KCNH2: variants seen among roughly 807,000 people sequenced by gnomAD.
KCNH2 encodes potassium voltage-gated channel subfamily H member 2, also known as voltage-gated inwardly rectifying potassium channel KCNH2.
Under a neutral mutation model 95.9 loss-of-function variants are expected in KCNH2, and 35 were observed. The ratio of observed to expected loss-of-function variants is 0.37; its 90% CI spans 0.28 to 0.48. The LOEUF is 0.48. KCNH2 is among the 20% of genes least tolerant of loss of function. KCNH2 has a pLI of 0.99. For missense variants in KCNH2, 1,274 were observed against 1,702.9 expected, an observed-to-expected ratio of 0.75 and a Z score of 4.43; for synonymous variants, 786 against 754.7, an observed-to-expected ratio of 1.04 and a Z score of -0.68.
intron 3 of KCNH2, 112 bp from the exon 4 acceptor site, chr7:150,958,614 AC>A (rs1390610216): frequency 9.1e-6 from 7 of 765,456 alleles, no homozygotes; most frequent in Middle Eastern, 3.9e-4. Context: ...GGAACGGGCA[AC>A]CCCCCATCCC....
At chr7:150,955,064 G>A (rs1801321199) in intron 5 of KCNH2, among the ~76,000 whole-genome samples, 1 of 152,214 alleles carries the variant, frequency 6.6e-6, no homozygotes, top group Non-Finnish European at 1.5e-5. Context: ...TCCTGCCCAT[G>A]GGCTCCTTTG....
In KCNH2 at chr7:150,958,165, C is replaced by T. The variant is rs1801443154; in HGVS notation, c.810G>A (p.Thr270=). 6.0e-6 allele frequency: 8 copies of T among 1,341,630 alleles called. No individual in the cohort carries two copies. Among genetic ancestry groups the T allele is most frequent in the Admixed American group, 3.5e-5 (1 of 28,842 alleles). 83.1% of individuals were successfully genotyped at this position (1,341,630 alleles called of 1,614,324 possible). ...CGCTGGCGCAGCTTTCTCGGGAGCG[C>T]GTCCGGGCCAGGCTGCAGCTGGAGC... The part of the protein sequence containing the change: ...ASGSSCSLAR[T]RSRESCASVR... The change falls in exon 4 of 15, where the codon ACG becomes ACA. Residue 270 remains threonine (T), a synonymous_variant. Transcript: ENST00000262186.
rs1800962566 is a variant in KCNH2, at chr7:150,947,701, G to A, written c.2870C>T (p.Pro957Leu). 1 of 1,590,036 alleles carries A rather than the reference G, an allele frequency of 6.3e-7. No individual in the cohort carries two copies. Among genetic ancestry groups the A allele is most frequent in the Non-Finnish European group, 8.6e-7 (1 of 1,169,566 alleles). ...TCCGGGGGGCCTGGGGCTGGAGAAG[G>A]GCACCAGGCGGAGGGGGCTGGAGCT... The part of the protein sequence containing the change: ...GRSSSPLRLV[P>L]FSSPRPPGEP... The change falls in exon 12 of 15, where the codon CCC becomes CTC. Residue 957 changes from proline to leucine, a missense_variant. Pro to Leu is a moderately conservative substitution (Grantham distance 98). Coordinates refer to ENST00000262186, the MANE Select transcript of KCNH2 (RefSeq NM_000238.4).
Position 150,959,469 on chromosome 7 carries a change from A to G in KCNH2, c.472+103T>C. 3.5e-6 allele frequency: 5 copies of G among 1,413,658 alleles called. No individual in the cohort carries two copies. In the East Asian group the frequency reaches 1.1e-4, roughly 32 times the overall value. 87.6% of individuals were successfully genotyped at this position (1,413,658 alleles called of 1,614,324 possible). A position where few individuals can be genotyped will look rare whatever the true frequency, so the allele number is the denominator to read the frequency against. On this transcript the variant is annotated intron_variant, in intron 3 of 14. Coordinates refer to ENST00000262186, the MANE Select transcript of KCNH2 (RefSeq NM_000238.4). Reference sequence around the variant, plus strand: ...CAAAGGGGGGACCCCCCACCCAACCATTACATCCTCCCTTCCTGCAGAGCG... The same window carrying G: ...CAAAGGGGGGACCCCCCACCCAACCGTTACATCCTCCCTTCCTGCAGAGCG...
Position 150,950,187 on chromosome 7 carries a change from G to T in KCNH2, c.2379C>A (p.Asp793Glu). The change falls in exon 9 of 15, where the codon GAC becomes GAA. Residue 793 changes from aspartate (D) to glutamate (E), a missense_variant. This residue lies in a region of KCNH2 where 159 missense variants were observed against 282.5 expected (regional missense o/e 0.56). Transcript: ENST00000262186. ...SRGSIEILRGDVVVAILGKND... is the reference protein window; with the variant it reads ...SRGSIEILRGEVVVAILGKND... ...CCATACCCAGGATGGCCACGACGAC[G>T]TCGCCCCGCAGGATCTCGATGGAGC... 6.2e-7 allele frequency: 1 copy of T among 1,609,058 alleles called. No individual in the cohort carries two copies. Among genetic ancestry groups the T allele is most frequent in the Admixed American group, 1.7e-5 (1 of 59,594 alleles).
chr7:150,970,099 G>A (rs974047092), intron 2 of KCNH2, among the ~76,000 whole-genome samples: 1 of 152,162 alleles, frequency 6.6e-6, no homozygotes, highest in Admixed American at 6.5e-5. Flanking sequence ...GAGAGAGAAC[G>A]TGTTTTTAAG....
At chr7:150,973,495 C>T (rs1045979900) in intron 2 of KCNH2, among the ~76,000 whole-genome samples, 3 of 152,242 alleles carry the variant, frequency 2.0e-5, no homozygotes, top group Non-Finnish European at 4.4e-5. Context: ...AGAAACCATC[C>T]ACTGCCTTCA....
At chr7:150,947,572 C>CT in intron 12 of KCNH2, 34 bp downstream of exon 12, 2 of 1,608,762 alleles carry the variant, frequency 1.2e-6, no homozygotes, top group Non-Finnish European at 8.5e-7. Flanking sequence ...CTGCCACGCC[C>CT]GGTCCTCCCT....
Position 150,947,833 on chromosome 7 carries a change from G to A in KCNH2, c.2738C>T (p.Ala913Val), listed in dbSNP as rs77331749. The change falls in exon 12 of 15, where the codon GCG (alanine) becomes GTG (valine). Residue 913 changes from alanine to valine, a missense_variant. Physicochemically the swap from Ala to Val is moderately conservative, Grantham distance 64. Transcript: ENST00000262186. ...GEVSALGPGR[A>V]GAGPSSRGRP... The stretch of plus-strand genomic sequence containing the variant: ...GCCCCGGCTACTCGGCCCTGCCCCC[G>A]CCCGGCCCGGCCCCAAGGCCGACAC... The A allele has an allele frequency of 5.2e-4, 795 of 1,524,188 alleles. 1 individual carries two copies. Among genetic ancestry groups the A allele is most frequent in the Non-Finnish European group, 5.8e-4 (663 of 1,141,724 alleles). 94.4% of individuals were successfully genotyped at this position (1,524,188 alleles called of 1,614,324 possible).
intron 8 of KCNH2, 53 bp downstream of exon 8, chr7:150,950,868 C>A: frequency 1.3e-6 from 2 of 1,572,108 alleles, no homozygotes; most frequent in Non-Finnish European, 1.7e-6. Flanking sequence ...TTCCCCTCTG[C>A]CACCCCACTC....
intron 2 of KCNH2, among the ~76,000 whole-genome samples, chr7:150,972,172 C>T (rs1388625819): frequency 6.6e-6 from 1 of 152,228 alleles, no homozygotes; most frequent in East Asian, 1.9e-4. Flanking sequence ...TGGCTCCAGG[C>T]CCTGACACTG....
chr7:150,948,344 G>A, intron 11 of KCNH2, 100 bp downstream of exon 11: 1 of 940,944 alleles, frequency 1.1e-6, no homozygotes, highest in East Asian at 2.6e-5. Flanking sequence ...GGGATGGGAA[G>A]GTCTGAGGCC....
intron 1 of KCNH2, among the ~76,000 whole-genome samples, chr7:150,976,634 C>T (rs55813292): frequency 0.041 from 6,249 of 152,198 alleles, 155 homozygotes; most frequent in African/African-American, 0.054. Flanking sequence ...AGAAAGCCTG[C>T]CCCTCCTCCA....
rs141373518 is a variant in KCNH2 at position 150,953,678 on chromosome 7, C to A, written c.1129-825G>T. On this transcript the variant is annotated intron_variant, in intron 5 of 14. Transcript: ENST00000262186. ...TGACAGCAGGCACGTCCCTCTTGCTCCCAAGGCAAACTAAGAAGAGCTCCG... is the reference window on the plus strand; with the variant it reads ...TGACAGCAGGCACGTCCCTCTTGCTACCAAGGCAAACTAAGAAGAGCTCCG... Among the ~76,000 whole-genome samples, 971 of 152,318 alleles carry A rather than the reference C, an allele frequency of 6.4e-3. 6 individuals are homozygous for A. The highest frequency in any genetic ancestry group is 0.01 in the Middle Eastern group (3 of 294).
chr7:150,967,134 C>T (rs1412452033), intron 2 of KCNH2, among the ~76,000 whole-genome samples: 2 of 152,100 alleles, frequency 1.3e-5, no homozygotes, highest in East Asian at 3.9e-4. Flanking sequence ...CAAAAATTAG[C>T]CGGATGTGGT....
At chr7:150,971,765 G>A (rs376543040) in intron 2 of KCNH2, among the ~76,000 whole-genome samples, 4 of 152,078 alleles carry the variant, frequency 2.6e-5, no homozygotes, top group African/African-American at 9.6e-5. Context: ...AGCCGAGAAG[G>A]TGGGCACAGT....
chr7:150,966,137 C>T (rs1251427260), intron 2 of KCNH2, among the ~76,000 whole-genome samples: 1 of 152,264 alleles, frequency 6.6e-6, no homozygotes, highest in African/African-American at 2.4e-5. Context: ...CCCCCCTTCA[C>T]TGTGACCCCA....
chr7:150,968,716 T>C (rs1351309478), intron 2 of KCNH2, among the ~76,000 whole-genome samples: 2 of 152,034 alleles, frequency 1.3e-5, no homozygotes, highest in Non-Finnish European at 2.9e-5. Flanking sequence ...TTTCAATTAT[T>C]TGGGGGAGAG....
At chr7:150,975,031 G>T in intron 1 of KCNH2, 90 bp from the exon 2 acceptor site, 2 of 1,133,784 alleles carry the variant, frequency 1.8e-6, no homozygotes, top group South Asian at 1.5e-5. Flanking sequence ...TCACACAGCC[G>T]CCCGGGGACT....
Sources: allele counts gnomAD v4.1 joint callset (sites outside exome capture counted in the v4.1 genomes callset), GRCh38; gene constraint gnomAD v4.1.1; regional missense constraint gnomAD v4.1.1; transcripts MANE v1.5; gene names NCBI Gene and HGNC (gene_info 2026-07-23, HGNC 2026-07-21).